Variants in PAPPA observed in about 807,000 individuals in gnomAD.
The protein encoded by PAPPA is pappalysin-1.
PAPPA carries 60 observed loss-of-function variants against 164.0 expected under a neutral mutation model. The observed-to-expected ratio is 0.37, with a 90% CI of 0.30 to 0.45. The LOEUF is 0.45. Ranked by LOEUF, PAPPA falls within the 20% of genes least tolerant of loss-of-function variation. The pLI is 1.00. For missense variants in PAPPA, 1,782 were observed against 2,087.3 expected (o/e 0.85, Z 2.85); for synonymous variants, 875 against 814.1 (o/e 1.07, Z -1.27).
At chr9:116,228,390 G>GT (rs1378735223) in intron 6 of PAPPA, among the ~76,000 whole-genome samples, 1 of 152,056 alleles carries the variant, frequency 6.6e-6, no homozygotes, top group African/African-American at 2.4e-5. Context: ...CAGTCACTGG[G>GT]TGAGGACACT....
At chr9:116,381,820 A>G (rs939947470) in intron 20 of PAPPA, among the ~76,000 whole-genome samples, 1 of 152,204 alleles carries the variant, frequency 6.6e-6, no homozygotes, top group Admixed American at 6.5e-5. Flanking sequence ...AGAAGAAAAC[A>G]AACATGTAAA....
chr9:116,365,776 T>C (rs2118644444), intron 18 of PAPPA, among the ~76,000 whole-genome samples: 1 of 152,244 alleles, frequency 6.6e-6, no homozygotes, highest in Non-Finnish European at 1.5e-5. Context: ...TTTTTGTCTG[T>C]GTTATCCCCA....
intron 1 of PAPPA, among the ~76,000 whole-genome samples, chr9:116,173,280 G>C (rs888331902): frequency 6.6e-6 from 1 of 152,260 alleles, no homozygotes; most frequent in East Asian, 1.9e-4. Context: ...AAATTTAGTA[G>C]TGTATCAAAC....
intron 10 of PAPPA, among the ~76,000 whole-genome samples, chr9:116,323,051 C>T (rs956100727): frequency 6.6e-6 from 1 of 152,134 alleles, no homozygotes; most frequent in Non-Finnish European, 1.5e-5. Context: ...ATGGCATGTC[C>T]CCTGTGTGGG....
rs1847029525 is a variant in PAPPA, at chr9:116,400,156, T to C, written c.*3540T>C. The C allele has an allele frequency of 6.6e-6, 1 of 152,314 alleles. No individual in the cohort carries two copies. The allele number at this position is 152,314 out of a possible 1,614,324, so 9.4% of individuals were successfully genotyped here. The stretch of plus-strand genomic sequence containing the variant: ...AAAAATGGTGACAAAGCTGTACAGA[T>C]AGAGATAATAGAAGACAAAGAGATT... On this transcript the variant is annotated 3_prime_UTR_variant, in exon 22 of 22. Transcript: ENST00000328252.
At chr9:116,354,793 T>C (rs965729907) in intron 17 of PAPPA, among the ~76,000 whole-genome samples, 1 of 152,180 alleles carries the variant, frequency 6.6e-6, no homozygotes, top group African/African-American at 2.4e-5. Context: ...CAGTACATTC[T>C]TCACATTTCA....
chr9:116,265,374 G>A (rs1431199227), intron 7 of PAPPA, among the ~76,000 whole-genome samples: 1 of 152,142 alleles, frequency 6.6e-6, no homozygotes, highest in Non-Finnish European at 1.5e-5. Context: ...TGTACACACA[G>A]CATCAGAAAA....
intron 1 of PAPPA, among the ~76,000 whole-genome samples, chr9:116,156,394 A>G (rs1424883789): frequency 6.7e-6 from 1 of 148,728 alleles, no homozygotes; most frequent in Non-Finnish European, 1.5e-5. Context: ...AGACTGCTTT[A>G]TAAATGTCTA....
rs138252272 is a variant in PAPPA, at chr9:116,186,526, C to T, written c.416-628C>T. Among the ~76,000 whole-genome samples the T allele has an allele frequency of 3.4e-3, 516 of 152,186 alleles. 1 individual carries two copies. The highest frequency in any genetic ancestry group is 0.011 in the African/African-American group (463 of 41,506). On this transcript the variant is annotated intron_variant, in intron 1 of 21. Coordinates refer to ENST00000328252, the MANE Select transcript of PAPPA (RefSeq NM_002581.5). ...AAGATTCCTGTTAGAGAATGAAGTT[C>T]CAGCTTTTCAGGTCCTGACCCTCAC...
intron 2 of PAPPA, among the ~76,000 whole-genome samples, chr9:116,197,191 A>G (rs1017495656): frequency 3.9e-5 from 6 of 152,202 alleles, no homozygotes; most frequent in African/African-American, 1.4e-4. Flanking sequence ...ACATATTCTC[A>G]AATTAGACAT....
At chr9:116,198,443 G>A (rs1278157117) in intron 2 of PAPPA, among the ~76,000 whole-genome samples, 1 of 152,230 alleles carries the variant, frequency 6.6e-6, no homozygotes, top group African/African-American at 2.4e-5. Flanking sequence ...GTGTGTGTCT[G>A]CCTTCTATGT....
At chr9:116,191,343 A>G (rs1411265703) in intron 2 of PAPPA, among the ~76,000 whole-genome samples, 1 of 152,218 alleles carries the variant, frequency 6.6e-6, no homozygotes, top group Non-Finnish European at 1.5e-5. Context: ...TAATGAGGCC[A>G]TAGGTGGGAT....
intron 13 of PAPPA, 134 bp from the exon 14 acceptor site, chr9:116,344,409 C>T: frequency 1.3e-6 from 1 of 796,314 alleles, no homozygotes; most frequent in Non-Finnish European, 2.0e-6. Context: ...TTCACCCTAG[C>T]CAGCACCCCT....
intron 9 of PAPPA, among the ~76,000 whole-genome samples, chr9:116,295,144 C>G (rs538727545): frequency 3.9e-5 from 6 of 152,222 alleles, no homozygotes; most frequent in African/African-American, 1.4e-4. Context: ...GCTTCCCAGA[C>G]TAGTTATATT....
chr9:116,238,579 G>C (rs1318236833), intron 7 of PAPPA, among the ~76,000 whole-genome samples: 1 of 152,188 alleles, frequency 6.6e-6, no homozygotes, highest in Non-Finnish European at 1.5e-5. Flanking sequence ...CTTTGTAAAA[G>C]TGCCACGTAC....
intron 8 of PAPPA, among the ~76,000 whole-genome samples, chr9:116,267,709 TAA>T (rs1301211129): frequency 2.6e-5 from 4 of 151,224 alleles, no homozygotes; most frequent in African/African-American, 7.3e-5. Context: ...CCGTCTCTAC[TAA>T]AAAAATACAA....
intron 10 of PAPPA, among the ~76,000 whole-genome samples, chr9:116,313,101 A>C (rs1671894769): frequency 6.6e-6 from 1 of 150,580 alleles, no homozygotes. Flanking sequence ...AAAAAAAAAA[A>C]GAAACTCCAA....
At chr9:116,285,279 C>T (rs2118851485) in intron 9 of PAPPA, among the ~76,000 whole-genome samples, 1 of 143,140 alleles carries the variant, frequency 7.0e-6, no homozygotes, top group South Asian at 2.3e-4. Context: ...AAGTGATTCT[C>T]CTGCCTCAGC....
At chr9:116,396,179 A>G (rs1302959822) in intron 21 of PAPPA, among the ~76,000 whole-genome samples, 1 of 152,176 alleles carries the variant, frequency 6.6e-6, no homozygotes, top group Non-Finnish European at 1.5e-5. Flanking sequence ...TCTGAGCTTC[A>G]GTTTCCCCAT....
Sources: gnomAD v4.1 joint callset for allele counts (sites outside exome capture counted in the v4.1 genomes callset) on GRCh38, gnomAD v4.1.1 for gene constraint, MANE v1.5 for transcripts, NCBI Gene and HGNC (gene_info 2026-07-23, HGNC 2026-07-21) for gene names.